Variants in GNL2 observed in about 807,000 individuals in gnomAD.
GNL2 encodes the protein G protein nucleolar 2.
A neutral mutation model predicts 92.3 loss-of-function variants in GNL2; 51 were observed. The ratio of observed to expected loss-of-function variants is 0.55; its 90% CI spans 0.44 to 0.70. GNL2 has a LOEUF of 0.70. Among genes scored for constraint, GNL2 ranks in the 30% least tolerant of loss-of-function variants. The pLI is 0.00. For synonymous variants in GNL2, 283 were observed against 300.6 expected, an observed-to-expected ratio of 0.94 and a Z score of 0.61; for missense variants, 844 against 895.6, an observed-to-expected ratio of 0.94 and a Z score of 0.74.
intron 4 of GNL2, among the ~76,000 whole-genome samples, chr1:37,588,218 A>C (rs1643868273): frequency 6.6e-6 from 1 of 152,118 alleles, no homozygotes. Context: ...GAATTTCTGA[A>C]GCAAGATAAA....
At chr1:37,593,700 G>C in intron 2 of GNL2, 62 bp downstream of exon 2, 2 of 1,145,720 alleles carry the variant, frequency 1.7e-6, no homozygotes, top group Middle Eastern at 2.0e-4. Context: ...GGCTTCATCA[G>C]TCTCAGCTAG....
Position 37,574,832 on chromosome 1 carries a change from T to G in GNL2, c.1144-9A>C. On this transcript the variant is annotated splice_polypyrimidine_tract_variant and intron_variant, in intron 10 of 15. Coordinates refer to ENST00000373062, the MANE Select transcript of GNL2 (RefSeq NM_013285.3). ...ATTTTTTCTACTTGAACCTAAATGT[T>G]AATAGGAAATCTCTCACTTACAAAC... is the stretch of plus-strand genomic sequence containing the variant. 1 of 1,597,068 alleles carries G rather than the reference T, an allele frequency of 6.3e-7. No individual in the cohort carries two copies.
intron 5 of GNL2, among the ~76,000 whole-genome samples, chr1:37,585,138 A>G (rs556004879): frequency 2.9e-4 from 42 of 144,536 alleles, no homozygotes; most frequent in African/African-American, 1.1e-3. Context: ...GGCTCACTGC[A>G]ACCTCCGCCT....
intron 1 of GNL2, among the ~76,000 whole-genome samples, chr1:37,595,486 C>T (rs150554077): frequency 2.1e-3 from 322 of 152,370 alleles, no homozygotes; most frequent in African/African-American, 7.4e-3. Flanking sequence ...GGACCCAAGG[C>T]TGTCAGCCTG....
At chr1:37,590,626 C>T in intron 4 of GNL2, 80 bp downstream of exon 4, 1 of 1,203,946 alleles carries the variant, frequency 8.3e-7, no homozygotes, top group South Asian at 1.3e-5. Context: ...TAAGGAAAAA[C>T]AAAAGACAAA....
chr1:37,583,926 C>T lies in GNL2; in HGVS notation c.577G>A (p.Ala193Thr), dbSNP rs756221999. Residue 193 changes from alanine to threonine, a missense_variant, in exon 6 of 16, where the codon GCT becomes ACT. Ala to Thr is a moderately conservative substitution (Grantham distance 58). Transcript: ENST00000373062. ...VTEDTGVRNE[A>T]QEEIYKKGQS... Reference sequence around the variant, plus strand: ...CCCTTTTTATAGATCTCTTCTTGAGCTTCATTTCTAAATAAGAAAGCACCC... The same window carrying T: ...CCCTTTTTATAGATCTCTTCTTGAGTTTCATTTCTAAATAAGAAAGCACCC... The T allele has an allele frequency of 5.1e-6, 8 of 1,564,398 alleles. No individual in the cohort carries two copies. The Admixed American group carries it at 1.2e-4, about 23-fold the overall frequency.
intron 8 of GNL2, chr1:37,581,591 G>A: frequency 2.2e-6 from 1 of 450,206 alleles, no homozygotes; most frequent in Non-Finnish European, 4.5e-6. Flanking sequence ...GGGGGCAAAG[G>A]CTGAGCAAGA....
chr1:37,578,770 G>A (rs1439453131), intron 8 of GNL2, among the ~76,000 whole-genome samples: 1 of 151,954 alleles, frequency 6.6e-6, no homozygotes, highest in Non-Finnish European at 1.5e-5. Context: ...ATATTGCCCA[G>A]GCTCGTCTAG....
rs58284750 is a variant in GNL2, at chr1:37,577,325, C to G, written c.910-769G>C. ...AGAAAAAAAGCAACCTTGAAAGTTACGACTACAGGGTGAAAGTCTCAAAAA... is the reference window on the plus strand; with the variant it reads ...AGAAAAAAAGCAACCTTGAAAGTTAGGACTACAGGGTGAAAGTCTCAAAAA... On this transcript the variant is annotated intron_variant, in intron 8 of 15. Transcript: ENST00000373062. Among the ~76,000 whole-genome samples the G allele has an allele frequency of 1.3e-3, 197 of 152,010 alleles. 2 individuals carry two copies. The Middle Eastern group carries it at 0.027, about 21-fold the overall frequency.
At chr1:37,573,417 T>A (rs548759192) in intron 12 of GNL2, among the ~76,000 whole-genome samples, 1 of 152,226 alleles carries the variant, frequency 6.6e-6, no homozygotes, top group South Asian at 2.1e-4. Flanking sequence ...AGGCAAAACG[T>A]TAACGTTGAG....
intron 12 of GNL2, chr1:37,569,553 A>T: frequency 2.4e-6 from 1 of 416,164 alleles, no homozygotes; most frequent in East Asian, 4.3e-5. Context: ...TTAAACCATT[A>T]AAACCAACCA....
chr1:37,567,952 G>T (rs1038884759), intron 14 of GNL2, 188 bp from the exon 15 acceptor site: 22 of 602,510 alleles, frequency 3.7e-5, no homozygotes, highest in Admixed American at 1.5e-4. Context: ...CATGCTCTCA[G>T]TGTGAAAGCT....
chr1:37,567,728 C>T lies in GNL2; in HGVS notation c.1988G>A (p.Arg663Lys), dbSNP rs1643529159. ...SKKGKKRKAQ[R>K]EEEQEHSNKA... ...ATTTGAATGTTCCTGTTCCTCTTCC[C>T]TTTGTGCCTTCCGCTTCTTTCCCTT... The change falls in exon 15 of 16, where the codon AGG (arginine) becomes AAG (lysine). Residue 663 changes from arginine to lysine, a missense_variant. Arg to Lys is a conservative substitution (Grantham distance 26). Coordinates refer to ENST00000373062, the MANE Select transcript of GNL2 (RefSeq NM_013285.3). 1 of 1,613,934 alleles carries T rather than the reference C, an allele frequency of 6.2e-7. No individual in the cohort carries two copies. Among genetic ancestry groups the T allele is most frequent in the Non-Finnish European group, 8.5e-7 (1 of 1,179,786 alleles).
At chr1:37,567,154 G>T in intron 15 of GNL2, 147 bp from the exon 16 acceptor site, 1 of 787,616 alleles carries the variant, frequency 1.3e-6, no homozygotes, top group Non-Finnish European at 2.0e-6. Flanking sequence ...ATGAGGGAGG[G>T]CTCCCCCGTA....
intron 4 of GNL2, among the ~76,000 whole-genome samples, chr1:37,588,375 T>C (rs2148142260): frequency 1.3e-5 from 2 of 152,296 alleles, no homozygotes; most frequent in Middle Eastern, 6.8e-3. Context: ...CTGTGGTTTC[T>C]GAACTTTAAC....
At chr1:37,593,129 G>A (rs1232484252) in intron 2 of GNL2, among the ~76,000 whole-genome samples, 2 of 152,008 alleles carry the variant, frequency 1.3e-5, no homozygotes, top group Non-Finnish European at 2.9e-5. Flanking sequence ...TTCAAAGGCT[G>A]GTTTAAATGA....
chr1:37,567,128 A>T, intron 15 of GNL2, 121 bp from the exon 16 acceptor site: 1 of 1,025,364 alleles, frequency 9.8e-7, no homozygotes, highest in Non-Finnish European at 1.4e-6. Flanking sequence ...TTCCACAGCT[A>T]CTGGAAGCAG....
chr1:37,568,805 G>A (rs764655866), intron 13 of GNL2, 46 bp downstream of exon 13: 12 of 1,456,664 alleles, frequency 8.2e-6, no homozygotes, highest in African/African-American at 1.4e-5. Flanking sequence ...CAAATTTTTG[G>A]GAAAGGAATG....
intron 14 of GNL2, 38 bp from the exon 15 acceptor site, chr1:37,567,802 G>T (rs1359664506): frequency 1.3e-6 from 2 of 1,532,614 alleles, no homozygotes; most frequent in Admixed American, 1.7e-5. Flanking sequence ...ATTTTCTATT[G>T]AAAATTTGTC....
Sources: gnomAD v4.1 joint callset for allele counts (sites outside exome capture counted in the v4.1 genomes callset) on GRCh38, gnomAD v4.1.1 for gene constraint, MANE v1.5 for transcripts, NCBI Gene and HGNC (gene_info 2026-07-23, HGNC 2026-07-21) for gene names.